Variants in RORB observed in about 807,000 individuals in gnomAD.
RORB encodes the protein nuclear receptor ROR-beta.
A neutral mutation model predicts 59.1 loss-of-function variants in RORB; 6 were observed. That is an observed-to-expected ratio of 0.10 (90% confidence interval 0.06 to 0.20). The LOEUF (loss-of-function observed/expected upper bound fraction) is 0.20. Among genes scored for constraint, RORB ranks in the 10% least tolerant of loss-of-function variants. RORB has a pLI of 1.00. For missense variants in RORB, 320 were observed against 560.5 expected, an observed-to-expected ratio of 0.57 and a Z score of 4.33; for synonymous variants, 215 against 204.5, an observed-to-expected ratio of 1.05 and a Z score of -0.44.
At chr9:74,550,023 G>T (rs1826582735) in intron 1 of RORB, among the ~76,000 whole-genome samples, 1 of 152,056 alleles carries the variant, frequency 6.6e-6, no homozygotes, top group East Asian at 1.9e-4. Context: ...CCCTGCGCCC[G>T]GCCGATTATG....
intron 4 of RORB, among the ~76,000 whole-genome samples, chr9:74,650,755 C>T (rs1001828022): frequency 8.5e-5 from 13 of 152,118 alleles, no homozygotes; most frequent in African/African-American, 2.9e-4. Context: ...CCATCAAAAA[C>T]CACTATTTTA....
At chr9:74,574,766 A>G (rs1822606198) in intron 1 of RORB, among the ~76,000 whole-genome samples, 1 of 152,152 alleles carries the variant, frequency 6.6e-6, no homozygotes, top group Non-Finnish European at 1.5e-5. Context: ...CCAAGCCACT[A>G]GTGATATGAT....
At chr9:74,591,260 C>T (rs911918219) in intron 1 of RORB, among the ~76,000 whole-genome samples, 10 of 152,172 alleles carry the variant, frequency 6.6e-5, no homozygotes, top group South Asian at 2.1e-4. Flanking sequence ...ACTAGCTTTA[C>T]GTCACCTTTT....
intron 1 of RORB, among the ~76,000 whole-genome samples, chr9:74,549,594 A>G (rs1456549797): frequency 1.5e-5 from 1 of 66,198 alleles, no homozygotes. Flanking sequence ...GGAAGGAAGG[A>G]AGGAAGGAAG....
Position 74,497,976 on chromosome 9 carries a change from CATGCGAGGT to C in RORB, c.2_7+3del. The C allele has an allele frequency of 6.2e-7, 1 of 1,611,880 alleles. No homozygotes were observed. Among genetic ancestry groups the C allele is most frequent in the Non-Finnish European group, 8.5e-7 (1 of 1,179,606 alleles). On this transcript the variant is annotated splice_donor_variant and coding_sequence_variant, in exon 1 of 10. Coordinates refer to ENST00000376896, the MANE Select transcript of RORB (RefSeq NM_006914.4). LOFTEE classifies it high-confidence loss of function. ...ACGCGGAGCGGGAGAGCGGCCACAC[CATGCGAGGT>C]AAGCGAGTCTGCGGGCACCGAGGCT...
At chr9:74,610,330 G>A (rs1823215604) in intron 1 of RORB, among the ~76,000 whole-genome samples, 1 of 152,118 alleles carries the variant, frequency 6.6e-6, no homozygotes, top group Non-Finnish European at 1.5e-5. Flanking sequence ...GCCAAGTTTT[G>A]AGAAACATGT....
At chr9:74,678,842 G>A (rs1824491014) in intron 9 of RORB, among the ~76,000 whole-genome samples, 1 of 151,926 alleles carries the variant, frequency 6.6e-6, no homozygotes, top group Non-Finnish European at 1.5e-5. Context: ...GACCGGCCTG[G>A]CCAACACAGT....
chr9:74,536,877 C>G (rs935901585), intron 1 of RORB, among the ~76,000 whole-genome samples: 1 of 151,892 alleles, frequency 6.6e-6, no homozygotes, highest in Non-Finnish European at 1.5e-5. Context: ...ACTTTTTAAA[C>G]TTTTCTATAG....
In RORB at chr9:74,662,463, C is replaced by T. The variant is rs763565077; in HGVS notation, c.760-11C>T. 24 of 1,613,740 alleles carry T rather than the reference C, an allele frequency of 1.5e-5. 1 individual carries two copies. The South Asian group carries it at 1.9e-4, about 13-fold the overall frequency. On this transcript the variant is annotated splice_polypyrimidine_tract_variant and intron_variant, in intron 5 of 9. Coordinates refer to ENST00000376896, the MANE Select transcript of RORB (RefSeq NM_006914.4). ...TTGCCCTATTTACATTCTGTGTCTTCTCTCCTCAAGTCCAGGGAAGCACTG... is the reference window on the plus strand; with the variant it reads ...TTGCCCTATTTACATTCTGTGTCTTTTCTCCTCAAGTCCAGGGAAGCACTG...
chr9:74,529,553 G>C (rs917032853), intron 1 of RORB, among the ~76,000 whole-genome samples: 3 of 151,424 alleles, frequency 2.0e-5, no homozygotes, highest in African/African-American at 7.3e-5. Context: ...TGACTTTTGA[G>C]AATTAAAATA....
At position 74,692,974 on chromosome 9, in the gene RORB, A is replaced by G. The variant is rs567332819; in HGVS notation, c.*7356A>G. 2.6e-5 allele frequency: 4 copies of G among 152,298 alleles called. No homozygotes were observed. In the South Asian group the frequency reaches 8.3e-4, roughly 32 times the overall value. 9.4% of individuals were successfully genotyped at this position (152,298 alleles called of 1,614,324 possible). On this transcript the variant is annotated 3_prime_UTR_variant, in exon 10 of 10. Coordinates refer to ENST00000376896, the MANE Select transcript of RORB (RefSeq NM_006914.4). ...TACTAGAATAAAACAGCACTCCCTAACAATTAAAAAAGAGTTTTATATTAC... is the reference window on the plus strand; with the variant it reads ...TACTAGAATAAAACAGCACTCCCTAGCAATTAAAAAAGAGTTTTATATTAC...
chr9:74,591,496 A>G (rs953566276), intron 1 of RORB, among the ~76,000 whole-genome samples: 1 of 152,356 alleles, frequency 6.6e-6, no homozygotes, highest in Middle Eastern at 3.4e-3. Flanking sequence ...TATGGCAAGT[A>G]ATCTAAATAA....
intron 1 of RORB, among the ~76,000 whole-genome samples, chr9:74,544,641 C>A (rs1214089445): frequency 1.3e-5 from 2 of 152,132 alleles, no homozygotes; most frequent in African/African-American, 4.8e-5. Flanking sequence ...CATGGAAGTC[C>A]CTGACTAGGA....
At chr9:74,589,533 T>G (rs1209126413) in intron 1 of RORB, among the ~76,000 whole-genome samples, 1 of 152,198 alleles carries the variant, frequency 6.6e-6, no homozygotes, top group Non-Finnish European at 1.5e-5. Flanking sequence ...AAGACTTATC[T>G]CATAGGACAT....
chr9:74,505,403 A>C (rs1253788296), intron 1 of RORB, among the ~76,000 whole-genome samples: 1 of 152,142 alleles, frequency 6.6e-6, no homozygotes, highest in African/African-American at 2.4e-5. Flanking sequence ...ATAAGCTCAA[A>C]GATGATGTCA....
chr9:74,622,417 A>C (rs1170242654), intron 1 of RORB, among the ~76,000 whole-genome samples: 2 of 151,740 alleles, frequency 1.3e-5, no homozygotes, highest in East Asian at 3.9e-4. Flanking sequence ...TTGGGAATGG[A>C]GATCCTGAGG....
intron 1 of RORB, among the ~76,000 whole-genome samples, chr9:74,629,189 A>C (rs1036978395): frequency 1.3e-5 from 2 of 151,570 alleles, no homozygotes; most frequent in Non-Finnish European, 2.9e-5. Flanking sequence ...TTATGTAATA[A>C]GCCATGTTTT....
At chr9:74,620,916 T>C (rs1268585995) in intron 1 of RORB, among the ~76,000 whole-genome samples, 1 of 152,206 alleles carries the variant, frequency 6.6e-6, no homozygotes, top group Admixed American at 6.5e-5. Flanking sequence ...CAGATGCTCC[T>C]CACTATCTCC....
At chr9:74,593,721 T>A (rs577022577) in intron 1 of RORB, among the ~76,000 whole-genome samples, 49 of 152,274 alleles carry the variant, frequency 3.2e-4, no homozygotes, top group African/African-American at 1.1e-3. Context: ...CAGTGAACAA[T>A]GTTGCTGCAG....
Sources: allele counts gnomAD v4.1 joint callset (sites outside exome capture counted in the v4.1 genomes callset), GRCh38; gene constraint gnomAD v4.1.1; transcripts MANE v1.5; gene names NCBI Gene and HGNC (gene_info 2026-07-23, HGNC 2026-07-21).